SHTN1: variants seen among roughly 807,000 people sequenced by gnomAD.
SHTN1 encodes shootin 1, also known as shootin-1.
Under a neutral mutation model 83.1 loss-of-function variants are expected in SHTN1, and 42 were observed. The observed-to-expected ratio is 0.51, with a 90% confidence interval of 0.39 to 0.65. The LOEUF is 0.65. Among genes scored for constraint, SHTN1 ranks in the 30% least tolerant of loss-of-function variants. SHTN1 has a pLI of 0.00. For synonymous variants in SHTN1, 224 were observed against 247.7 expected (o/e 0.90, Z 0.90); for missense variants, 622 against 737.8 (o/e 0.84, Z 1.82).
exon 1 of SHTN1, chr10:117,126,441 T>A (rs910266941): frequency 4.2e-6 from 1 of 236,230 alleles, no homozygotes; most frequent in African/African-American, 2.4e-5. Context: ...TTTCTAGCCC[T>A]AGCACCTGGC....
At chr10:117,099,045 C>CACA (rs60447737) in intron 1 of SHTN1, among the ~76,000 whole-genome samples, 1 of 148,298 alleles carries the variant, frequency 6.7e-6, no homozygotes, top group Admixed American at 6.7e-5. Context: ...CACACACACA[C>CACA]CATAAAAAGG....
Position 117,053,024 on chromosome 10 carries a change from A to AAAAAAAAAAAAAAAAAAAAAAAG in SHTN1, c.-188-4515_-188-4514insCTTTTTTTTTTTTTTTTTTTTTT, listed in dbSNP as rs1554934278. ...AACAGAGCAAGACTGTGTCTCAAAAAAAAAAAGAATTAAGAATTAAGTTGG... is the reference window on the plus strand; with the variant it reads ...AACAGAGCAAGACTGTGTCTCAAAAAAAAAAAAAAAAAAAAAAAAAAAGAAAAAAGAATTAAGAATTAAGTTGG... On this transcript the variant is annotated intron_variant, in intron 1 of 17. Coordinates refer to the SHTN1 transcript ENST00000392901. 2.7e-4 allele frequency among the ~76,000 whole-genome samples: 14 copies of AAAAAAAAAAAAAAAAAAAAAAAG among 51,268 alleles called. 1 individual carries two copies. The highest frequency in any genetic ancestry group is 3.9e-4 in the African/African-American group (10 of 25,412). 33.6% of individuals were successfully genotyped at this position (51,268 alleles called of 152,430 possible). A position where few individuals can be genotyped will look rare whatever the true frequency, so the allele number is the denominator to read the frequency against.
chr10:117,093,879 G>T lies in SHTN1; in HGVS notation c.-189+32428C>A, dbSNP rs1157276491. Among the ~76,000 whole-genome samples, 3 of 152,190 alleles carry T rather than the reference G, an allele frequency of 2.0e-5. No individual in the cohort carries two copies. The East Asian group carries it at 5.8e-4, about 29-fold the overall frequency. The stretch of plus-strand genomic sequence containing the variant: ...CAAAAACCAATGCTTTCTGTCAAGG[G>T]TAGTTGTGCACTCAAGTAACAAACC... On this transcript the variant is annotated intron_variant, in intron 1 of 17. Transcript: ENST00000392901.
chr10:117,102,390 T>C (rs957500506), intron 1 of SHTN1, among the ~76,000 whole-genome samples: 2 of 152,162 alleles, frequency 1.3e-5, no homozygotes, highest in African/African-American at 4.8e-5. Flanking sequence ...GAAACTTACA[T>C]GCTAAAATTA....
At chr10:116,937,644 G>A (rs1331185230) in intron 9 of SHTN1, among the ~76,000 whole-genome samples, 10 of 151,904 alleles carry the variant, frequency 6.6e-5, no homozygotes, top group Admixed American at 6.6e-4. Flanking sequence ...TGTGTCTTGG[G>A]GTTGCTCTTC....
At chr10:117,047,218 C>T (rs1007480245) in intron 2 of SHTN1, among the ~76,000 whole-genome samples, 3 of 152,074 alleles carry the variant, frequency 2.0e-5, no homozygotes. Flanking sequence ...GTGCCCAGCA[C>T]CATGCCTGGC....
chr10:117,112,553 G>A (rs1159639287), intron 1 of SHTN1, among the ~76,000 whole-genome samples: 2 of 152,188 alleles, frequency 1.3e-5, no homozygotes, highest in South Asian at 2.1e-4. Flanking sequence ...ACAATACCCT[G>A]AAGTAGATAT....
intron 1 of SHTN1, among the ~76,000 whole-genome samples, chr10:116,998,904 AC>A (rs1202350981): frequency 6.6e-6 from 1 of 152,228 alleles, no homozygotes; most frequent in Non-Finnish European, 1.5e-5. Context: ...ATATGTATAT[AC>A]CAACATATAT....
At chr10:116,961,609 C>G (rs897276547) in intron 3 of SHTN1, among the ~76,000 whole-genome samples, 1 of 152,196 alleles carries the variant, frequency 6.6e-6, no homozygotes, top group African/African-American at 2.4e-5. Context: ...GCATTGACTT[C>G]GAGAAACTCC....
At chr10:117,063,098 T>C (rs1852925856) in intron 1 of SHTN1, among the ~76,000 whole-genome samples, 1 of 152,182 alleles carries the variant, frequency 6.6e-6, no homozygotes, top group Non-Finnish European at 1.5e-5. Flanking sequence ...TATGGATTCT[T>C]TTCCCTCCCC....
intron 8 of SHTN1, 40 bp from the exon 9 acceptor site, chr10:116,940,652 C>T: frequency 6.8e-7 from 1 of 1,475,450 alleles, no homozygotes; most frequent in Non-Finnish European, 9.2e-7. Context: ...ATCAATCAAT[C>T]TCACATACCT....
chr10:116,887,983 T>G (rs2133297457), intron 16 of SHTN1, among the ~76,000 whole-genome samples: 1 of 152,238 alleles, frequency 6.6e-6, no homozygotes. Flanking sequence ...CCACACTGCT[T>G]TTTTCACTTT....
At chr10:117,105,985 G>A (rs926483752) in intron 1 of SHTN1, among the ~76,000 whole-genome samples, 7 of 152,004 alleles carry the variant, frequency 4.6e-5, no homozygotes, top group African/African-American at 1.7e-4. Flanking sequence ...CTGCACTCCA[G>A]CCTGGGCAAC....
chr10:116,924,406 TATA>T (rs200595759), intron 11 of SHTN1, among the ~76,000 whole-genome samples: 91,414 of 151,690 alleles, frequency 0.6, 30,130 homozygotes, highest in Middle Eastern at 0.76. Flanking sequence ...AGAGTACTTA[TATA>T]TATATTTACA....
At chr10:117,038,447 CT>C (rs1252055848) in intron 2 of SHTN1, among the ~76,000 whole-genome samples, 1 of 151,810 alleles carries the variant, frequency 6.6e-6, no homozygotes, top group Non-Finnish European at 1.5e-5. Flanking sequence ...GCCGCAATGA[CT>C]TTTTAGATAC....
chr10:116,944,649 T>C (rs1176463367), intron 8 of SHTN1, among the ~76,000 whole-genome samples: 1 of 151,900 alleles, frequency 6.6e-6, no homozygotes, highest in African/African-American at 2.4e-5. Flanking sequence ...TGGGAGCACT[T>C]TGGGAGGCCA....
At chr10:117,098,975 A>C (rs1287621584) in intron 1 of SHTN1, among the ~76,000 whole-genome samples, 2 of 90,298 alleles carry the variant, frequency 2.2e-5, no homozygotes, top group Non-Finnish European at 4.5e-5. Context: ...ATAAATCAAA[A>C]GTATAATGTT....
chr10:117,065,077 G>A (rs1852956230), intron 1 of SHTN1, among the ~76,000 whole-genome samples: 1 of 152,110 alleles, frequency 6.6e-6, no homozygotes, highest in South Asian at 2.1e-4. Flanking sequence ...AACACCACAT[G>A]TTCTCACTCA....
At chr10:117,100,390 T>TA (rs1402679870) in intron 1 of SHTN1, among the ~76,000 whole-genome samples, 1 of 152,204 alleles carries the variant, frequency 6.6e-6, no homozygotes, top group East Asian at 1.9e-4. Flanking sequence ...CCACACAGCC[T>TA]AAAATCTTCA....
Sources: gnomAD v4.1 joint callset for allele counts (sites outside exome capture counted in the v4.1 genomes callset) on GRCh38, gnomAD v4.1.1 for gene constraint, MANE v1.5 for transcripts, NCBI Gene and HGNC (gene_info 2026-07-23, HGNC 2026-07-21) for gene names.